RELN: variants seen among roughly 807,000 people sequenced by gnomAD.
RELN encodes the protein reelin.
Under a neutral mutation model 427.6 loss-of-function variants are expected in RELN, and 108 were observed. That is an observed-to-expected ratio of 0.25 (90% CI 0.22 to 0.30). The LOEUF is 0.30. Ranked by LOEUF, RELN falls within the 10% of genes least tolerant of loss-of-function variation. RELN has a pLI of 1.00. For missense variants in RELN, 3,715 were observed against 4,302.8 expected (o/e 0.86, Z 3.82); for synonymous variants, 1,524 against 1,513.4 (o/e 1.01, Z -0.16).
intron 1 of RELN, among the ~76,000 whole-genome samples, chr7:103,967,592 C>A (rs1796685116): frequency 6.6e-6 from 1 of 152,160 alleles, no homozygotes; most frequent in Non-Finnish European, 1.5e-5. Flanking sequence ...CTCCCTGCTG[C>A]CCACAGACAA....
At chr7:103,634,049 C>T (rs189307992) in intron 19 of RELN, among the ~76,000 whole-genome samples, 49 of 152,174 alleles carry the variant, frequency 3.2e-4, no homozygotes, top group Admixed American at 3.0e-3. Flanking sequence ...CTGTTACATG[C>T]TACTTCATTT....
intron 2 of RELN, among the ~76,000 whole-genome samples, chr7:103,873,087 A>G (rs1333668494): frequency 6.6e-6 from 1 of 151,848 alleles, no homozygotes; most frequent in Non-Finnish European, 1.5e-5. Context: ...AAACTGAACA[A>G]CCTGCTCCTG....
In RELN at chr7:103,824,485, T is replaced by C. The variant is rs1281811042; in HGVS notation, c.473+9052A>G. Among the ~76,000 whole-genome samples the C allele has an allele frequency of 2.0e-5, 3 of 152,058 alleles. No individual in the cohort carries two copies. The highest frequency in any genetic ancestry group is 7.2e-5 in the African/African-American group (3 of 41,422). On this transcript the variant is annotated intron_variant, in intron 3 of 64. Transcript: ENST00000428762. This position sits in a 1 kb window ranked among gnomAD's most constrained non-coding sequence, Gnocchi z 4.4. ...CCTGACAATAGCTCCAGGCCCCATATAGGTTAAAACTCCAGATCTAGGACC... is the reference window on the plus strand; with the variant it reads ...CCTGACAATAGCTCCAGGCCCCATACAGGTTAAAACTCCAGATCTAGGACC...
Position 103,989,416 on chromosome 7 carries a change from G to T in RELN, c.-60C>A. The stretch of plus-strand genomic sequence containing the variant: ...CGCGCCGCTCGCTCATTCAGTTTTG[G>T]AGACGCCGGGACGGAGGAGCCACGC... On this transcript the variant is annotated 5_prime_UTR_variant, in exon 1 of 65. Transcript: ENST00000428762. The surrounding 1 kb of genome is among the most constrained non-coding windows in gnomAD (Gnocchi z 4.9). 7.4e-7 allele frequency: 1 copy of T among 1,355,020 alleles called. No individual in the cohort carries two copies. The highest frequency in any genetic ancestry group is 9.5e-7 in the Non-Finnish European group (1 of 1,053,120). 83.9% of individuals were successfully genotyped at this position (1,355,020 alleles called of 1,614,324 possible).
At chr7:103,576,684 T>C (rs1472615679) in intron 28 of RELN, among the ~76,000 whole-genome samples, 6 of 152,202 alleles carry the variant, frequency 3.9e-5, no homozygotes, top group Non-Finnish European at 8.8e-5. Flanking sequence ...GAGTTAAGTT[T>C]GTACCGACAG....
At chr7:103,933,155 A>T (rs1021793068) in intron 1 of RELN, among the ~76,000 whole-genome samples, 2 of 152,164 alleles carry the variant, frequency 1.3e-5, no homozygotes, top group African/African-American at 4.8e-5. Flanking sequence ...ATTAGCCCAC[A>T]TAGAGTATTT....
At chr7:103,722,087 T>G (rs1490549783) in intron 8 of RELN, among the ~76,000 whole-genome samples, 1 of 152,220 alleles carries the variant, frequency 6.6e-6, no homozygotes, top group Non-Finnish European at 1.5e-5. Context: ...GTCTGTAAAT[T>G]GTTGTAGGTA....
intron 16 of RELN, 47 bp downstream of exon 16, chr7:103,650,227 A>C: frequency 8.9e-7 from 1 of 1,121,676 alleles, no homozygotes; most frequent in East Asian, 2.4e-5. Context: ...AAGCACAGGA[A>C]GACTCTACAT....
At chr7:103,497,120 GT>G (rs1374819626) in intron 55 of RELN, among the ~76,000 whole-genome samples, 13 of 152,306 alleles carry the variant, frequency 8.5e-5, no homozygotes, top group African/African-American at 3.1e-4. Context: ...TATTAAAATA[GT>G]TATTGTAATT....
At chr7:103,876,994 C>T (rs1794494930) in intron 2 of RELN, among the ~76,000 whole-genome samples, 1 of 152,046 alleles carries the variant, frequency 6.6e-6, no homozygotes, top group African/African-American at 2.4e-5. Flanking sequence ...CTCCTCACTC[C>T]CTCACCCCTT....
At chr7:103,528,190 C>T (rs2117103808) in intron 46 of RELN, among the ~76,000 whole-genome samples, 1 of 152,260 alleles carries the variant, frequency 6.6e-6, no homozygotes, top group East Asian at 1.9e-4. Flanking sequence ...TGTGGTATAT[C>T]CATAAAATGG....
In RELN at chr7:103,804,436, C is replaced by T. The variant is rs1792546750; in HGVS notation, c.474-27809G>A. Among the ~76,000 whole-genome samples the T allele has an allele frequency of 2.0e-5, 3 of 152,170 alleles. No homozygotes were observed. The South Asian group carries it at 6.2e-4, about 32-fold the overall frequency. On this transcript the variant is annotated intron_variant, in intron 3 of 64. Transcript: ENST00000428762. ...ATGTCTGACAAATTCGGAATAATGCCTGTTATACTATGCAGGTTCACAGCC... is the reference window on the plus strand; with the variant it reads ...ATGTCTGACAAATTCGGAATAATGCTTGTTATACTATGCAGGTTCACAGCC...
chr7:103,713,704 A>G (rs1177968194), intron 8 of RELN, among the ~76,000 whole-genome samples: 1 of 148,754 alleles, frequency 6.7e-6, no homozygotes, highest in Non-Finnish European at 1.5e-5. Flanking sequence ...TGAGGTCAGT[A>G]TTATTCACTA....
chr7:103,720,974 TTCTAAC>T (rs1164977012), intron 8 of RELN, among the ~76,000 whole-genome samples: 1 of 152,164 alleles, frequency 6.6e-6, no homozygotes, highest in Non-Finnish European at 1.5e-5. Context: ...TTCTTTGCCA[TTCTAAC>T]TCTTCTTGGT....
At chr7:103,964,906 G>A (rs1185375582) in intron 1 of RELN, among the ~76,000 whole-genome samples, 1 of 152,166 alleles carries the variant, frequency 6.6e-6, no homozygotes, top group East Asian at 1.9e-4. Context: ...CCAGTTAGGT[G>A]AGAATAACTT....
chr7:103,862,409 T>TTCGTTCTATCTATCTATCTA (rs57691471), intron 2 of RELN, among the ~76,000 whole-genome samples: 2 of 144,840 alleles, frequency 1.4e-5, no homozygotes, highest in East Asian at 2.1e-4. Flanking sequence ...TATGCTTTTG[T>TTCGTTCTATCTATCTATCTA]TCTATCTATC....
chr7:103,686,955 G>A (rs1264544523), intron 10 of RELN, among the ~76,000 whole-genome samples: 1 of 152,110 alleles, frequency 6.6e-6, no homozygotes, highest in African/African-American at 2.4e-5. Flanking sequence ...CCAGGTGCAG[G>A]AGGGCTGAAG....
intron 1 of RELN, among the ~76,000 whole-genome samples, chr7:103,970,911 T>G (rs1204296200): frequency 6.6e-6 from 1 of 152,104 alleles, no homozygotes; most frequent in Admixed American, 6.6e-5. Flanking sequence ...ATCCCAGCAC[T>G]TTGGGAAGTT....
At chr7:103,689,489 G>C (rs546675423) in intron 10 of RELN, among the ~76,000 whole-genome samples, 2 of 151,834 alleles carry the variant, frequency 1.3e-5, no homozygotes, top group African/African-American at 4.8e-5. Flanking sequence ...TTTCTCTTTT[G>C]AAAACACAGA....
Sources: allele counts gnomAD v4.1 joint callset (sites outside exome capture counted in the v4.1 genomes callset), GRCh38; gene constraint gnomAD v4.1.1; non-coding constraint Gnocchi (gnomAD v3.1); transcripts MANE v1.5; gene names NCBI Gene and HGNC (gene_info 2026-07-23, HGNC 2026-07-21).